The following AGBL1 variants were observed in gnomAD, a reference collection of about 807,000 sequenced individuals.
The protein encoded by AGBL1 is cytosolic carboxypeptidase 4.
AGBL1 carries 130 observed loss-of-function variants against 118.9 expected under a neutral mutation model. The ratio of observed to expected loss-of-function variants is 1.09; its 90% confidence interval spans 0.95 to 1.26. The LOEUF (loss-of-function observed/expected upper bound fraction) is 1.26, where lower values mean the gene tolerates loss of function less well. Ranked by LOEUF, AGBL1 falls within the 50% of genes most tolerant of loss-of-function variation. The pLI, the probability that AGBL1 is intolerant of heterozygous loss-of-function variation, is 0.00. For missense variants in AGBL1, 1,584 were observed against 1,298.1 expected, an observed-to-expected ratio of 1.22 and a Z score of -3.38; for synonymous variants, 555 against 478.9, an observed-to-expected ratio of 1.16 and a Z score of -2.08.
intron 24 of AGBL1, among the ~76,000 whole-genome samples, chr15:86,998,857 A>C (rs1415933389): frequency 2.0e-5 from 3 of 150,912 alleles, no homozygotes; most frequent in Non-Finnish European, 4.4e-5. Flanking sequence ...TTTTTCTTTT[A>C]TATATATATA....
chr15:86,773,140 A>C (rs1039389810), intron 22 of AGBL1, among the ~76,000 whole-genome samples: 1 of 152,034 alleles, frequency 6.6e-6, no homozygotes, highest in African/African-American at 2.4e-5. Context: ...ATTATTGAGT[A>C]TATACATTGT....
chr15:86,759,073 G>T (rs1287703049), intron 22 of AGBL1, among the ~76,000 whole-genome samples: 1 of 151,894 alleles, frequency 6.6e-6, no homozygotes, highest in Admixed American at 6.6e-5. Flanking sequence ...AATCAAAGGA[G>T]TTTAAATTGT....
At chr15:86,777,353 A>G (rs1205080907) in intron 22 of AGBL1, among the ~76,000 whole-genome samples, 1 of 152,024 alleles carries the variant, frequency 6.6e-6, no homozygotes, top group Non-Finnish European at 1.5e-5. Context: ...AAATAAAAAT[A>G]TTACTCATAT....
chr15:86,108,284 C>T (rs903545577), intron 1 of AGBL1, among the ~76,000 whole-genome samples: 2 of 152,164 alleles, frequency 1.3e-5, no homozygotes, highest in African/African-American at 2.4e-5. Flanking sequence ...CATTCATTCT[C>T]ACTGAGAAAG....
intron 22 of AGBL1, among the ~76,000 whole-genome samples, chr15:86,798,225 G>A (rs1325372131): frequency 1.3e-5 from 2 of 152,044 alleles, no homozygotes; most frequent in African/African-American, 2.4e-5. Flanking sequence ...TCAAAATCTC[G>A]AGTGACAGAG....
At chr15:86,934,918 G>C (rs1252763191) in intron 23 of AGBL1, among the ~76,000 whole-genome samples, 1 of 152,152 alleles carries the variant, frequency 6.6e-6, no homozygotes, top group Non-Finnish European at 1.5e-5. Flanking sequence ...ACATACTCCA[G>C]ATATTCTGGA....
At chr15:86,752,304 C>T (rs1479066928) in intron 22 of AGBL1, among the ~76,000 whole-genome samples, 1 of 152,082 alleles carries the variant, frequency 6.6e-6, no homozygotes, top group East Asian at 1.9e-4. Flanking sequence ...TCTTTTCAGT[C>T]TCATTGGAAC....
intron 22 of AGBL1, among the ~76,000 whole-genome samples, chr15:86,761,431 T>C (rs2078022347): frequency 6.6e-6 from 1 of 152,064 alleles, no homozygotes; most frequent in Admixed American, 6.6e-5. Flanking sequence ...GAAAGTTACT[T>C]GAATAGCCTG....
chr15:86,266,984 T>C lies in AGBL1; in HGVS notation c.1752-6T>C. 5 of 1,562,000 alleles carry C rather than the reference T, an allele frequency of 3.2e-6. No individual in the cohort carries two copies. The highest frequency in any genetic ancestry group is 2.3e-5 in the East Asian group (1 of 42,628). ...ATATGTTCACATGTTCCTTATTTCATTGTAGGCCTTTGCAAGACAATGCTT... is the reference window on the plus strand; with the variant it reads ...ATATGTTCACATGTTCCTTATTTCACTGTAGGCCTTTGCAAGACAATGCTT... On this transcript the variant is annotated splice_region_variant and splice_polypyrimidine_tract_variant and intron_variant, in intron 12 of 22. Coordinates refer to ENST00000614907, the MANE Select transcript of AGBL1 (RefSeq NM_001386094.1).
At position 86,566,175 on chromosome 15, in the gene AGBL1, G is replaced by A. The variant is rs147268066; in HGVS notation, c.2994+11638G>A. ...CTACAAGCCCCAGTGAGATGAACCC[G>A]GTACCTCAGTTGGAAATGCATACAT... On this transcript the variant is annotated intron_variant, in intron 21 of 22. Transcript: ENST00000614907. Among the ~76,000 whole-genome samples, 261 of 152,246 alleles carry A rather than the reference G, an allele frequency of 1.7e-3. 4 individuals carry two copies. The highest frequency in any genetic ancestry group is 9.6e-4 in the Non-Finnish European group (65 of 68,028).
In AGBL1 at chr15:86,966,721, A is replaced by G. The variant is rs188945057; in HGVS notation, c.3222-21266A>G. Among the ~76,000 whole-genome samples, 48 of 152,152 alleles carry G rather than the reference A, an allele frequency of 3.2e-4. 1 individual carries two copies. In the East Asian group the frequency reaches 8.5e-3, roughly 27 times the overall value. On this transcript the variant is annotated intron_variant, in intron 23 of 24. Transcript: ENST00000441037. ...GTGCCATATTTTCTTAATCCAGTCT[A>G]TCATTGCTGGACATTTGGCTTGGTT...
intron 22 of AGBL1, among the ~76,000 whole-genome samples, chr15:86,887,078 C>T (rs1443432729): frequency 6.6e-6 from 1 of 152,086 alleles, no homozygotes; most frequent in Non-Finnish European, 1.5e-5. Context: ...TATTAACACT[C>T]AGTAAATTCC....
chr15:86,151,377 C>T (rs2077108101), intron 3 of AGBL1, among the ~76,000 whole-genome samples: 2 of 150,256 alleles, frequency 1.3e-5, no homozygotes. Flanking sequence ...GTTCACCATA[C>T]ACAAATCAAT....
In AGBL1 at chr15:86,197,905, A is replaced by G. The variant is rs78500813; in HGVS notation, c.489-27009A>G. Among the ~76,000 whole-genome samples, 1,227 of 152,230 alleles carry G rather than the reference A, an allele frequency of 8.1e-3. 20 individuals carry two copies. Among genetic ancestry groups the G allele is most frequent in the African/African-American group, 0.027 (1,103 of 41,522 alleles). On this transcript the variant is annotated intron_variant, in intron 5 of 22. Transcript: ENST00000614907. ...AACATGAGCTATTCTTTAAAAAAAAAAAAGGAAAGACTCCAAAGATGATTC... is the reference window on the plus strand; with the variant it reads ...AACATGAGCTATTCTTTAAAAAAAAGAAAGGAAAGACTCCAAAGATGATTC...
intron 7 of AGBL1, among the ~76,000 whole-genome samples, chr15:86,254,318 A>G (rs1450130690): frequency 6.6e-6 from 1 of 152,204 alleles, no homozygotes; most frequent in African/African-American, 2.4e-5. Flanking sequence ...TTGTGTTATT[A>G]TCTCCACTTT....
Position 86,842,110 on chromosome 15 carries a change from A to C in AGBL1, c.3159-64977A>C, listed in dbSNP as rs2079254275. On this transcript the variant is annotated intron_variant, in intron 22 of 22. Coordinates refer to ENST00000614907, the MANE Select transcript of AGBL1 (RefSeq NM_001386094.1). ...TTGCAGAAGAAAAAAATACAATCTA[A>C]ATTCTTACCTAGAGGAAACTGCTTT... Among the ~76,000 whole-genome samples the C allele has an allele frequency of 3.9e-5, 6 of 152,048 alleles. No homozygotes were observed. In the South Asian group the frequency reaches 1.2e-3, roughly 32 times the overall value.
At chr15:86,881,029 G>A (rs1428193184) in intron 22 of AGBL1, among the ~76,000 whole-genome samples, 11 of 152,212 alleles carry the variant, frequency 7.2e-5, no homozygotes, top group Admixed American at 1.3e-4. Flanking sequence ...TCTGCAGAGC[G>A]GTGGAACTGC....
At chr15:86,185,911 A>G (rs1055887357) in intron 5 of AGBL1, among the ~76,000 whole-genome samples, 23 of 152,204 alleles carry the variant, frequency 1.5e-4, no homozygotes, top group African/African-American at 5.5e-4. Flanking sequence ...ATAATTTAAA[A>G]AAATCGTTTC....
intron 22 of AGBL1, among the ~76,000 whole-genome samples, chr15:86,747,918 G>A (rs1293247696): frequency 6.6e-6 from 1 of 152,130 alleles, no homozygotes; most frequent in Non-Finnish European, 1.5e-5. Flanking sequence ...TTGCTATTGT[G>A]AATAGTGCCA....
Sources: gnomAD v4.1 joint callset for allele counts (sites outside exome capture counted in the v4.1 genomes callset) on GRCh38, gnomAD v4.1.1 for gene constraint, MANE v1.5 for transcripts, NCBI Gene and HGNC (gene_info 2026-07-23, HGNC 2026-07-21) for gene names.